The following KANSL1 variants were observed in gnomAD, a reference collection of about 807,000 sequenced individuals.
KANSL1 encodes MLL1/MLL complex subunit KANSL1.
Under a neutral mutation model 103.6 loss-of-function variants are expected in KANSL1, and 22 were observed. That is an observed-to-expected ratio of 0.21 (90% CI 0.15 to 0.30). The LOEUF (loss-of-function observed/expected upper bound fraction) is 0.30, where lower values mean the gene tolerates loss of function less well. Among genes scored for constraint, KANSL1 ranks in the 10% least tolerant of loss-of-function variants. The probability of loss-of-function intolerance (pLI) is 1.00; values close to 1 mark genes in which losing one functional copy is unlikely to be tolerated. For synonymous variants in KANSL1, 600 were observed against 527.6 expected (o/e 1.14, Z -1.88); for missense variants, 1,337 against 1,399.8 (o/e 0.96, Z 0.72).
chr17:46,213,314 T>TG (rs77125953), intron 1 of KANSL1, among the ~76,000 whole-genome samples: 15 of 152,024 alleles, frequency 9.9e-5, no homozygotes, highest in Non-Finnish European at 2.1e-4. Context: ...TTGTTGTTGT[T>TG]TTTTGAGACG....
chr17:46,111,724 T>C (rs1338066016), intron 2 of KANSL1, among the ~76,000 whole-genome samples: 1 of 152,220 alleles, frequency 6.6e-6, no homozygotes, highest in Admixed American at 6.5e-5. Flanking sequence ...TATTTAATTG[T>C]TGATATTGAT....
chr17:46,066,885 G>T lies in KANSL1; in HGVS notation c.1653-153C>A, dbSNP rs62060799. 0.14 allele frequency among the ~76,000 whole-genome samples: 21,805 copies of T among 152,234 alleles called. 2,132 individuals are homozygous for T. Among genetic ancestry groups the T allele is most frequent in the Non-Finnish European group, 0.22 (14,755 of 67,996 alleles). The stretch of plus-strand genomic sequence containing the variant: ...AAGAAGCATTCTAGAGCAGAAGCAG[G>T]TCTCCTCTTGATGTCTGTTAATCTA... On this transcript the variant is annotated intron_variant, in intron 5 of 14. Transcript: ENST00000432791.
intron 1 of KANSL1, among the ~76,000 whole-genome samples, chr17:46,200,484 T>C (rs1374750462): frequency 6.6e-6 from 1 of 152,212 alleles, no homozygotes; most frequent in Non-Finnish European, 1.5e-5. Flanking sequence ...AGCTCATGCC[T>C]GTAATCCCAG....
At chr17:46,147,410 CA>C (rs1232540298) in intron 2 of KANSL1, among the ~76,000 whole-genome samples, 6 of 151,966 alleles carry the variant, frequency 3.9e-5, no homozygotes, top group Admixed American at 3.9e-4. Flanking sequence ...CCTGTCTCTA[CA>C]AAAAATACAA....
intron 1 of KANSL1, among the ~76,000 whole-genome samples, chr17:46,208,165 G>A (rs2469933): frequency 0.14 from 21,925 of 151,604 alleles, 2,161 homozygotes; most frequent in Middle Eastern, 0.22. Flanking sequence ...ATAAATACAC[G>A]AGATGCTAAA....
chr17:46,124,771 A>C (rs1479966771), intron 2 of KANSL1, among the ~76,000 whole-genome samples: 1 of 152,080 alleles, frequency 6.6e-6, no homozygotes, highest in Non-Finnish European at 1.5e-5. Context: ...AAGTAACTGC[A>C]GATGTGAAAA....
Position 46,172,148 on chromosome 17 carries a change from C to G in KANSL1, c.-5G>C. 1 of 1,600,770 alleles carries G rather than the reference C, an allele frequency of 6.2e-7. No individual in the cohort carries two copies. Among genetic ancestry groups the G allele is most frequent in the East Asian group, 2.2e-5 (1 of 44,846 alleles). On this transcript the variant is annotated 5_prime_UTR_variant, in exon 2 of 15. Transcript: ENST00000432791. The stretch of plus-strand genomic sequence containing the variant: ...AGCGGGCGCCATCGCAGCCATTCAG[C>G]ACAGAGAGACAGGAAGTCCAGCCTC...
At chr17:46,206,479 A>C (rs971203692) in intron 1 of KANSL1, among the ~76,000 whole-genome samples, 8 of 152,238 alleles carry the variant, frequency 5.3e-5, no homozygotes, top group African/African-American at 1.9e-4. Context: ...TAATCCCAGC[A>C]TTTGGGGAGG....
intron 7 of KANSL1, among the ~76,000 whole-genome samples, chr17:46,046,919 T>A (rs2077533777): frequency 6.6e-6 from 1 of 151,436 alleles, no homozygotes; most frequent in African/African-American, 2.4e-5. Flanking sequence ...TTTAAAATGC[T>A]ATACAAATAG....
chr17:46,208,326 A>G (rs1411891705), intron 1 of KANSL1, among the ~76,000 whole-genome samples: 2 of 152,144 alleles, frequency 1.3e-5, no homozygotes, highest in Admixed American at 1.3e-4. Flanking sequence ...ATAGTACTCC[A>G]AGGGGCTGGG....
intron 1 of KANSL1, among the ~76,000 whole-genome samples, chr17:46,181,101 A>T (rs2046768726): frequency 6.6e-6 from 1 of 152,224 alleles, no homozygotes; most frequent in African/African-American, 2.4e-5. Context: ...CAAAGTCTCT[A>T]CCAAAGCTTA....
intron 2 of KANSL1, among the ~76,000 whole-genome samples, chr17:46,100,751 T>C (rs2042277988): frequency 6.6e-6 from 1 of 152,198 alleles, no homozygotes. Context: ...GATGGGAAAT[T>C]TGTATGTCAA....
intron 5 of KANSL1, 53 bp from the exon 6 acceptor site, chr17:46,066,785 A>G: frequency 7.5e-7 from 1 of 1,325,316 alleles, no homozygotes; most frequent in African/African-American, 1.5e-5. Flanking sequence ...AACAAAATAA[A>G]TAAACAACAA....
At chr17:46,143,717 T>A (rs1354533212) in intron 2 of KANSL1, among the ~76,000 whole-genome samples, 1 of 137,406 alleles carries the variant, frequency 7.3e-6, no homozygotes, top group Admixed American at 8.3e-5. Context: ...GGCAGGAGAA[T>A]GGCGTGAACC....
intron 1 of KANSL1, chr17:46,223,484 G>A (rs1168816782): frequency 2.0e-5 from 3 of 148,562 alleles, no homozygotes; most frequent in African/African-American, 7.3e-5. Context: ...CATTCACACC[G>A]ATAATCAAAG....
intron 2 of KANSL1, among the ~76,000 whole-genome samples, chr17:46,108,689 G>A (rs62061821): frequency 0.14 from 21,606 of 151,872 alleles, 2,100 homozygotes; most frequent in Non-Finnish European, 0.22. Context: ...GGGAATGAGG[G>A]TAACAGGCTG....
intron 6 of KANSL1, among the ~76,000 whole-genome samples, chr17:46,057,731 GGAT>G (rs1290925582): frequency 6.6e-6 from 1 of 152,188 alleles, no homozygotes; most frequent in Non-Finnish European, 1.5e-5. Flanking sequence ...ATAAATGGAA[GGAT>G]GATTGTATGC....
intron 2 of KANSL1, among the ~76,000 whole-genome samples, chr17:46,167,115 C>T (rs766637164): frequency 6.7e-5 from 10 of 148,850 alleles, no homozygotes; most frequent in Non-Finnish European, 1.3e-4. Flanking sequence ...ACCCAGAACA[C>T]TGCTGATTTA....
intron 6 of KANSL1, among the ~76,000 whole-genome samples, chr17:46,066,133 C>CG: frequency 6.6e-6 from 1 of 152,220 alleles, no homozygotes; most frequent in African/African-American, 2.4e-5. Context: ...GTTGGGATTA[C>CG]AGGCATGAGC....
Sources: gnomAD v4.1 joint callset for allele counts (sites outside exome capture counted in the v4.1 genomes callset) on GRCh38, gnomAD v4.1.1 for gene constraint, MANE v1.5 for transcripts, NCBI Gene and HGNC (gene_info 2026-07-23, HGNC 2026-07-21) for gene names.